The following CNTN5 variants were observed in gnomAD, a reference collection of about 807,000 sequenced individuals.
CNTN5 encodes contactin-5.
Under a neutral mutation model 129.1 loss-of-function variants are expected in CNTN5, and 77 were observed. The observed-to-expected ratio is 0.60, with a 90% CI of 0.50 to 0.72. The LOEUF (loss-of-function observed/expected upper bound fraction) is 0.72, where lower values mean the gene tolerates loss of function less well. Among genes scored for constraint, CNTN5 ranks in the 30% least tolerant of loss-of-function variants. The probability of loss-of-function intolerance (pLI) is 0.00; values close to 1 mark genes in which losing one functional copy is unlikely to be tolerated. For missense variants in CNTN5, 1,478 were observed against 1,328.8 expected, an observed-to-expected ratio of 1.11 and a Z score of -1.75; for synonymous variants, 509 against 465.6, an observed-to-expected ratio of 1.09 and a Z score of -1.20.
intron 3 of CNTN5, among the ~76,000 whole-genome samples, chr11:99,655,312 G>A (rs553454899): frequency 3.3e-5 from 5 of 152,076 alleles, no homozygotes; most frequent in African/African-American, 4.8e-5. Context: ...CAAGACTCTC[G>A]GCAAGAAGAA....
intron 3 of CNTN5, among the ~76,000 whole-genome samples, chr11:99,817,001 T>C (rs1366343117): frequency 6.6e-6 from 1 of 152,216 alleles, no homozygotes; most frequent in East Asian, 1.9e-4. Flanking sequence ...TGGAAAGCAT[T>C]TTCTGATGAC....
At chr11:100,285,463 T>G (rs1242295542) in intron 18 of CNTN5, among the ~76,000 whole-genome samples, 1 of 152,178 alleles carries the variant, frequency 6.6e-6, no homozygotes, top group Non-Finnish European at 1.5e-5. Context: ...AAATCATCCT[T>G]GCAAACCCGT....
chr11:100,105,859 C>A (rs1565244745), intron 13 of CNTN5, among the ~76,000 whole-genome samples: 1 of 152,322 alleles, frequency 6.6e-6, no homozygotes, highest in East Asian at 1.9e-4. Flanking sequence ...AAAAGCAAGT[C>A]TTTCACACAT....
At chr11:100,172,282 G>T (rs570946480) in intron 13 of CNTN5, among the ~76,000 whole-genome samples, 1 of 151,534 alleles carries the variant, frequency 6.6e-6, no homozygotes, top group South Asian at 2.1e-4. Context: ...AAAAAAATGT[G>T]GTCTGATAAA....
chr11:100,050,752 C>G (rs10894352), intron 9 of CNTN5, among the ~76,000 whole-genome samples: 94,763 of 151,910 alleles, frequency 0.62, 30,281 homozygotes, highest in East Asian at 0.94. Context: ...AGATTAAAAA[C>G]GTGTACCATG....
intron 6 of CNTN5, among the ~76,000 whole-genome samples, chr11:99,846,129 G>GACACACACACACACAC (rs10650307): frequency 0.018 from 2,674 of 144,664 alleles, 35 homozygotes; most frequent in Non-Finnish European, 0.028. Flanking sequence ...TACGGACATA[G>GACACACACACACACAC]ACACACACAC....
At chr11:100,218,853 A>C (rs1949199846) in intron 15 of CNTN5, among the ~76,000 whole-genome samples, 1 of 152,158 alleles carries the variant, frequency 6.6e-6, no homozygotes, top group Non-Finnish European at 1.5e-5. Context: ...TCTTGTAGGC[A>C]AAAGGGAACC....
In CNTN5 at chr11:100,012,531, A is replaced by G. The variant is rs144292351; in HGVS notation, c.980+10395A>G. ...CAATTTATTATTCACATTTAGAGTC[A>G]AAGTTAACTGGCATCATATTTCCAG... On this transcript the variant is annotated intron_variant, in intron 9 of 24. Coordinates refer to ENST00000524871, the MANE Select transcript of CNTN5 (RefSeq NM_014361.4). Among the ~76,000 whole-genome samples the G allele has an allele frequency of 2.0e-4, 30 of 152,310 alleles. 1 individual carries two copies. The highest frequency in any genetic ancestry group is 6.8e-3 in the Middle Eastern group (2 of 294).
In CNTN5 at chr11:99,624,087, G is replaced by A. The variant is rs1055456129; in HGVS notation, c.55+67818G>A. On this transcript the variant is annotated intron_variant, in intron 3 of 24. Transcript: ENST00000524871. ...TGGTAATCTTCTGAACCCTCATTTGGTTTATCAGCATGTCTCCTCATAGGC... is the reference window on the plus strand; with the variant it reads ...TGGTAATCTTCTGAACCCTCATTTGATTTATCAGCATGTCTCCTCATAGGC... Among the ~76,000 whole-genome samples, 11 of 152,134 alleles carry A rather than the reference G, an allele frequency of 7.2e-5. 1 individual carries two copies. Among genetic ancestry groups the A allele is most frequent in the African/African-American group, 2.6e-4 (11 of 41,516 alleles).
chr11:99,301,253 A>G (rs974144438), intron 1 of CNTN5, among the ~76,000 whole-genome samples: 9 of 151,910 alleles, frequency 5.9e-5, no homozygotes, highest in East Asian at 5.8e-4. Flanking sequence ...TATGAATTAT[A>G]ACATTAAATG....
chr11:100,336,391 G>C (rs1265433797), intron 21 of CNTN5, among the ~76,000 whole-genome samples: 1 of 152,034 alleles, frequency 6.6e-6, no homozygotes, highest in Non-Finnish European at 1.5e-5. Flanking sequence ...GTGGTACATA[G>C]GCATATGATA....
chr11:100,230,796 T>C (rs550484722), intron 16 of CNTN5, among the ~76,000 whole-genome samples: 1 of 152,330 alleles, frequency 6.6e-6, no homozygotes, highest in African/African-American at 2.4e-5. Context: ...TATTTTGCCA[T>C]TTTGAAACAA....
chr11:99,921,282 C>T (rs1949932521), intron 7 of CNTN5, among the ~76,000 whole-genome samples: 1 of 152,136 alleles, frequency 6.6e-6, no homozygotes, highest in South Asian at 2.1e-4. Context: ...CTGAACTCAG[C>T]TACTGCTTTC....
chr11:100,257,409 A>T (rs1950095610), intron 17 of CNTN5, among the ~76,000 whole-genome samples: 1 of 152,174 alleles, frequency 6.6e-6, no homozygotes, highest in South Asian at 2.1e-4. Context: ...AGAGCAGCAG[A>T]TCTCCCAGCG....
At position 99,677,621 on chromosome 11, in the gene CNTN5, A is replaced by C. The variant is rs147378586; in HGVS notation, c.55+121352A>C. On this transcript the variant is annotated intron_variant, in intron 3 of 24. Transcript: ENST00000524871. ...AAGCTATTATTCACTAGTTCCACTAAACAAAAAGATTTCAAAGTCCACATT... is the reference window on the plus strand; with the variant it reads ...AAGCTATTATTCACTAGTTCCACTACACAAAAAGATTTCAAAGTCCACATT... Among the ~76,000 whole-genome samples the C allele has an allele frequency of 4.6e-4, 70 of 152,280 alleles. 1 individual carries two copies. The highest frequency in any genetic ancestry group is 1.5e-3 in the African/African-American group (63 of 41,570).
At chr11:99,836,032 A>T (rs1445718333) in intron 4 of CNTN5, among the ~76,000 whole-genome samples, 1 of 152,148 alleles carries the variant, frequency 6.6e-6, no homozygotes, top group African/African-American at 2.4e-5. Flanking sequence ...TGGCTACTCC[A>T]TAGACAGTCC....
At chr11:100,317,449 A>C (rs1272545221) in intron 21 of CNTN5, among the ~76,000 whole-genome samples, 16 of 152,206 alleles carry the variant, frequency 1.1e-4, no homozygotes, top group Admixed American at 1.0e-3. Flanking sequence ...CTTTTTATTA[A>C]TACTACATTA....
intron 3 of CNTN5, among the ~76,000 whole-genome samples, chr11:99,765,745 T>C (rs1259477634): frequency 6.6e-6 from 1 of 151,574 alleles, no homozygotes; most frequent in Non-Finnish European, 1.5e-5. Flanking sequence ...CTGTTGTTAA[T>C]GGTGAGATAT....
chr11:99,196,632 A>G (rs1295863837), intron 1 of CNTN5, among the ~76,000 whole-genome samples: 1 of 151,964 alleles, frequency 6.6e-6, no homozygotes, highest in Non-Finnish European at 1.5e-5. Flanking sequence ...ATTTCCATAT[A>G]TGCAGTGTTT....
Sources: allele counts gnomAD v4.1 joint callset (sites outside exome capture counted in the v4.1 genomes callset), GRCh38; gene constraint gnomAD v4.1.1; transcripts MANE v1.5; gene names NCBI Gene and HGNC (gene_info 2026-07-23, HGNC 2026-07-21).